Variants in FAM168A observed in about 807,000 individuals in gnomAD.
FAM168A encodes the protein protein FAM168A.
Under a neutral mutation model 28.5 loss-of-function variants are expected in FAM168A, and 3 were observed. That is an observed-to-expected ratio of 0.11 (90% CI 0.05 to 0.27). FAM168A has a LOEUF of 0.27. Ranked by LOEUF, FAM168A falls within the 10% of genes least tolerant of loss-of-function variation. The pLI is 1.00. For synonymous variants in FAM168A, 122 were observed against 124.2 expected, an observed-to-expected ratio of 0.98 and a Z score of 0.12; for missense variants, 222 against 311.5, an observed-to-expected ratio of 0.71 and a Z score of 2.16.
At chr11:73,450,720 T>A (rs1447981671) in intron 2 of FAM168A, among the ~76,000 whole-genome samples, 1 of 150,580 alleles carries the variant, frequency 6.6e-6, no homozygotes, top group Non-Finnish European at 1.5e-5. Context: ...AACTGGTTTC[T>A]TTTTATGGAC....
chr11:73,593,599 T>C (rs1944407974), intron 1 of FAM168A, among the ~76,000 whole-genome samples: 1 of 152,192 alleles, frequency 6.6e-6, no homozygotes, highest in South Asian at 2.1e-4. Context: ...AACAAAATCA[T>C]ACCTCATTAA....
At position 73,468,469 on chromosome 11, in the gene FAM168A, G is replaced by A; in HGVS notation, c.6C>T (p.Asn2=). 1 of 1,614,064 alleles carries A rather than the reference G, an allele frequency of 6.2e-7. No homozygotes were observed. The highest frequency in any genetic ancestry group is 1.3e-5 in the African/African-American group (1 of 75,042). Residue 2 remains asparagine (N), a synonymous_variant, in exon 2 of 8, where the codon AAC becomes AAT. Transcript: ENST00000356467. M[N]PVYSPVQPGA... ...CAGGCTGCACGGGGCTGTAAACAGG[G>A]TTCATTGTGGAAGACTGAGGATCCT...
At chr11:73,505,467 A>C (rs1222717478) in intron 1 of FAM168A, among the ~76,000 whole-genome samples, 1 of 152,220 alleles carries the variant, frequency 6.6e-6, no homozygotes, top group East Asian at 1.9e-4. Context: ...AACATATAAA[A>C]ACTAGCTATT....
chr11:73,484,578 C>T lies in FAM168A; in HGVS notation c.-18-16086G>A, dbSNP rs569613354. Among the ~76,000 whole-genome samples, 398 of 70,630 alleles carry T rather than the reference C, an allele frequency of 5.6e-3. 1 individual carries two copies. Among genetic ancestry groups the T allele is most frequent in the Non-Finnish European group, 0.011 (288 of 27,426 alleles). The allele number at this position is 70,630 out of a possible 152,430, so 46.3% of individuals were successfully genotyped here. A position where few individuals can be genotyped will look rare whatever the true frequency, so the allele number is the denominator to read the frequency against. ...TCTATATATCTATATATCTATATAT[C>T]GATATCTATCTATATATCGATATCT... On this transcript the variant is annotated intron_variant, in intron 1 of 7. Coordinates refer to ENST00000356467, the MANE Select transcript of FAM168A (RefSeq NM_015159.3).
At chr11:73,502,607 C>T (rs560838872) in intron 1 of FAM168A, among the ~76,000 whole-genome samples, 3 of 152,254 alleles carry the variant, frequency 2.0e-5, no homozygotes, top group Admixed American at 2.0e-4. Flanking sequence ...CTATTCTAAA[C>T]AACTGAAAAG....
intron 1 of FAM168A, among the ~76,000 whole-genome samples, chr11:73,583,626 G>A (rs1176396220): frequency 1.3e-5 from 2 of 152,354 alleles, no homozygotes; most frequent in East Asian, 1.9e-4. Flanking sequence ...CTCCTAGGCT[G>A]AGTCTTAAAG....
chr11:73,460,951 G>A (rs1867635941), intron 2 of FAM168A, among the ~76,000 whole-genome samples: 1 of 152,146 alleles, frequency 6.6e-6, no homozygotes. Context: ...CAGCTATAAG[G>A]TGAGCAGAAA....
At chr11:73,423,828 C>T (rs1042375606) in intron 3 of FAM168A, among the ~76,000 whole-genome samples, 3 of 152,146 alleles carry the variant, frequency 2.0e-5, no homozygotes, top group Admixed American at 6.5e-5. Context: ...TACTAGTCTT[C>T]GTATTTTCAA....
At chr11:73,503,082 A>T (rs1195642516) in intron 1 of FAM168A, among the ~76,000 whole-genome samples, 2 of 152,204 alleles carry the variant, frequency 1.3e-5, no homozygotes, top group Admixed American at 1.3e-4. Flanking sequence ...TCCCTTTAAA[A>T]ACCAGTACAG....
At chr11:73,573,606 T>C (rs1215016346) in intron 1 of FAM168A, among the ~76,000 whole-genome samples, 1 of 152,210 alleles carries the variant, frequency 6.6e-6, no homozygotes, top group Non-Finnish European at 1.5e-5. Context: ...AATGTCTTTA[T>C]ATAGTTCAAG....
At chr11:73,536,269 C>G (rs1943580042) in intron 1 of FAM168A, among the ~76,000 whole-genome samples, 1 of 152,066 alleles carries the variant, frequency 6.6e-6, no homozygotes, top group Non-Finnish European at 1.5e-5. Context: ...CTATTTATAC[C>G]AGAAGAAATT....
chr11:73,583,786 C>G (rs987676514), intron 1 of FAM168A, among the ~76,000 whole-genome samples: 2 of 152,158 alleles, frequency 1.3e-5, no homozygotes, highest in African/African-American at 4.8e-5. Flanking sequence ...GGAGGTAAAA[C>G]GCACAAGCCA....
At chr11:73,579,019 T>G (rs1412246011) in intron 1 of FAM168A, among the ~76,000 whole-genome samples, 1 of 152,196 alleles carries the variant, frequency 6.6e-6, no homozygotes, top group Non-Finnish European at 1.5e-5. Context: ...CTGGTGACAG[T>G]CAGCTTCCTG....
chr11:73,548,651 G>T (rs188794587), intron 1 of FAM168A, among the ~76,000 whole-genome samples: 3,142 of 151,924 alleles, frequency 0.021, 50 homozygotes, highest in Non-Finnish European at 0.033. Context: ...TGATTTTTTT[G>T]TGTGTGTGTG....
intron 1 of FAM168A, among the ~76,000 whole-genome samples, chr11:73,594,952 T>C (rs977890655): frequency 6.6e-6 from 1 of 152,190 alleles, no homozygotes; most frequent in Non-Finnish European, 1.5e-5. Context: ...CTTCTGTCTA[T>C]CAATACCTCC....
chr11:73,523,832 T>C (rs1292535814), intron 1 of FAM168A, among the ~76,000 whole-genome samples: 3 of 150,354 alleles, frequency 2.0e-5, no homozygotes, highest in Non-Finnish European at 4.4e-5. Context: ...TCTTTTGAGA[T>C]ACTGCATATC....
At chr11:73,537,150 A>G (rs993558712) in intron 1 of FAM168A, among the ~76,000 whole-genome samples, 5 of 152,230 alleles carry the variant, frequency 3.3e-5, no homozygotes, top group Admixed American at 1.3e-4. Context: ...AACATAAAAG[A>G]AAAACTACCA....
intron 1 of FAM168A, among the ~76,000 whole-genome samples, chr11:73,560,442 A>G (rs1192962999): frequency 2.6e-5 from 4 of 152,216 alleles, no homozygotes; most frequent in Non-Finnish European, 5.9e-5. Context: ...TAAGAAAAAA[A>G]ATACTGAGAA....
intron 1 of FAM168A, among the ~76,000 whole-genome samples, chr11:73,518,354 G>A (rs1401501062): frequency 6.6e-6 from 1 of 151,420 alleles, no homozygotes; most frequent in Non-Finnish European, 1.5e-5. Context: ...CCTATCCTAA[G>A]TGAAATAAAA....
Sources: gnomAD v4.1 joint callset for allele counts (sites outside exome capture counted in the v4.1 genomes callset) on GRCh38, gnomAD v4.1.1 for gene constraint, MANE v1.5 for transcripts, NCBI Gene and HGNC (gene_info 2026-07-23, HGNC 2026-07-21) for gene names.